The following SNTG1 variants were observed in gnomAD, a reference collection of about 807,000 sequenced individuals.
SNTG1 encodes syntrophin gamma 1, also known as gamma-1-syntrophin.
Under a neutral mutation model 74.7 loss-of-function variants are expected in SNTG1, and 39 were observed. That is an observed-to-expected ratio of 0.52 (90% confidence interval 0.40 to 0.68). The LOEUF (loss-of-function observed/expected upper bound fraction) is 0.68. Among genes scored for constraint, SNTG1 ranks in the 30% least tolerant of loss-of-function variants. The probability of loss-of-function intolerance (pLI) is 0.00; values close to 1 mark genes in which losing one functional copy is unlikely to be tolerated. For missense variants in SNTG1, 685 were observed against 609.5 expected (o/e 1.12, Z -1.30); for synonymous variants, 254 against 217.1 (o/e 1.17, Z -1.49).
intron 2 of SNTG1, chr8:50,286,834 T>G (rs1419480925): frequency 2.0e-5 from 3 of 152,166 alleles, no homozygotes; most frequent in East Asian, 3.9e-4. Flanking sequence ...CACCAGAATA[T>G]TTTTCAAGCC....
At position 50,597,350 on chromosome 8, in the gene SNTG1, CGT is replaced by C. The variant is rs1373663695; in HGVS notation, c.849+6434_849+6435del. On this transcript the variant is annotated intron_variant, in intron 13 of 18. Coordinates refer to ENST00000642720, the MANE Select transcript of SNTG1 (RefSeq NM_018967.5). ...ATACACATATATATACATATATACA[CGT>C]ATATATACACATATACATGTATATA... Among the ~76,000 whole-genome samples, 169 of 146,016 alleles carry C rather than the reference CGT, an allele frequency of 1.2e-3. 1 individual carries two copies. Among genetic ancestry groups the C allele is most frequent in the African/African-American group, 4.0e-3 (161 of 39,792 alleles).
intron 1 of SNTG1, among the ~76,000 whole-genome samples, chr8:49,928,688 G>A (rs1352268740): frequency 1.3e-5 from 2 of 151,834 alleles, no homozygotes; most frequent in Non-Finnish European, 2.9e-5. Context: ...TTAAAAAATA[G>A]TATATTTAAT....
chr8:50,470,749 G>A (rs1317534133), intron 8 of SNTG1, among the ~76,000 whole-genome samples: 2 of 152,180 alleles, frequency 1.3e-5, no homozygotes, highest in Non-Finnish European at 2.9e-5. Flanking sequence ...CATAAAGGTA[G>A]TGCGGACCCA....
chr8:50,018,585 T>G (rs901243058), intron 1 of SNTG1, among the ~76,000 whole-genome samples: 3 of 151,998 alleles, frequency 2.0e-5, no homozygotes, highest in Admixed American at 2.0e-4. Context: ...GGCAATGTTT[T>G]TGCTGTTGTT....
chr8:50,559,910 A>T (rs1379071139), intron 12 of SNTG1, among the ~76,000 whole-genome samples: 1 of 152,194 alleles, frequency 6.6e-6, no homozygotes, highest in Non-Finnish European at 1.5e-5. Context: ...TGCACAGCAA[A>T]AGAAATTATC....
At chr8:50,228,247 A>G (rs1424484324) in intron 2 of SNTG1, among the ~76,000 whole-genome samples, 1 of 151,994 alleles carries the variant, frequency 6.6e-6, no homozygotes, top group Non-Finnish European at 1.5e-5. Flanking sequence ...CTAAAATATA[A>G]AAAGCAAAAG....
chr8:50,652,636 A>C (rs2095154609), intron 13 of SNTG1, among the ~76,000 whole-genome samples: 1 of 152,036 alleles, frequency 6.6e-6, no homozygotes, highest in Admixed American at 6.6e-5. Context: ...GCCTCTAGTA[A>C]AAATATAAAA....
intron 1 of SNTG1, among the ~76,000 whole-genome samples, chr8:49,995,529 T>G (rs866719271): frequency 1.8e-4 from 28 of 152,328 alleles, no homozygotes; most frequent in Middle Eastern, 3.4e-3. Context: ...ATTTGTTTAA[T>G]TTTTCTCCAA....
At chr8:50,214,134 C>T (rs1399898265) in intron 2 of SNTG1, among the ~76,000 whole-genome samples, 1 of 151,064 alleles carries the variant, frequency 6.6e-6, no homozygotes, top group African/African-American at 2.4e-5. Context: ...TGGAAATCAT[C>T]ATTCTCAGTA....
At position 50,094,993 on chromosome 8, in the gene SNTG1, T is replaced by A. The variant is rs1413647183; in HGVS notation, c.-102-77568T>A. Among the ~76,000 whole-genome samples the A allele has an allele frequency of 6.6e-5, 10 of 152,200 alleles. No homozygotes were observed. In the East Asian group the frequency reaches 1.9e-3, roughly 29 times the overall value. On this transcript the variant is annotated intron_variant, in intron 1 of 18. Coordinates refer to ENST00000642720, the MANE Select transcript of SNTG1 (RefSeq NM_018967.5). ...TACATAGCCATAGAAAAGAAGAAAATCTTGTCCTTTGCAACATGGTTGCAG... is the reference window on the plus strand; with the variant it reads ...TACATAGCCATAGAAAAGAAGAAAAACTTGTCCTTTGCAACATGGTTGCAG...
At chr8:50,473,248 TCTC>T (rs750829576) in intron 8 of SNTG1, among the ~76,000 whole-genome samples, 1 of 152,116 alleles carries the variant, frequency 6.6e-6, no homozygotes, top group South Asian at 2.1e-4. Flanking sequence ...ATTTGGCACT[TCTC>T]CTTCCTGCTA....
intron 1 of SNTG1, among the ~76,000 whole-genome samples, chr8:50,025,585 G>T (rs1050987953): frequency 2.0e-5 from 3 of 152,070 alleles, no homozygotes; most frequent in African/African-American, 7.2e-5. Flanking sequence ...GAAAGAAATG[G>T]CCATGGTAAC....
intron 11 of SNTG1, among the ~76,000 whole-genome samples, chr8:50,542,068 T>G (rs2094351669): frequency 6.8e-6 from 1 of 146,262 alleles, no homozygotes; most frequent in Admixed American, 6.9e-5. Context: ...ATGAATGTAG[T>G]ATATGTATAT....
intron 2 of SNTG1, among the ~76,000 whole-genome samples, chr8:50,356,210 T>C (rs2091812776): frequency 6.6e-6 from 1 of 152,132 alleles, no homozygotes; most frequent in South Asian, 2.1e-4. Flanking sequence ...TTCACCATCT[T>C]GACAGGAGCC....
intron 2 of SNTG1, among the ~76,000 whole-genome samples, chr8:50,286,222 G>A (rs1420512091): frequency 6.6e-6 from 1 of 152,160 alleles, no homozygotes; most frequent in Non-Finnish European, 1.5e-5. Flanking sequence ...CCAACAAAAA[G>A]CATACCCTCT....
chr8:50,496,586 C>T (rs190488573), intron 8 of SNTG1, among the ~76,000 whole-genome samples: 31 of 152,226 alleles, frequency 2.0e-4, no homozygotes, highest in Admixed American at 2.0e-3. Flanking sequence ...AACTTTTCTT[C>T]TTAATAGATG....
chr8:50,637,915 A>G, intron 13 of SNTG1, among the ~76,000 whole-genome samples: 1 of 152,134 alleles, frequency 6.6e-6, no homozygotes, highest in East Asian at 1.9e-4. Flanking sequence ...ACCAAATATT[A>G]AGGTTAAGTT....
At chr8:50,333,922 C>A (rs535252108) in intron 2 of SNTG1, among the ~76,000 whole-genome samples, 31 of 152,328 alleles carry the variant, frequency 2.0e-4, no homozygotes, top group African/African-American at 7.0e-4. Context: ...TGGATGCATA[C>A]AATCTTACAT....
intron 4 of SNTG1, among the ~76,000 whole-genome samples, chr8:50,423,002 G>GT (rs1563365843): frequency 6.6e-6 from 1 of 152,164 alleles, no homozygotes; most frequent in Non-Finnish European, 1.5e-5. Context: ...CAGGAGGTGG[G>GT]TTTGGGGGGG....
Sources: gnomAD v4.1 joint callset for allele counts (sites outside exome capture counted in the v4.1 genomes callset) on GRCh38, gnomAD v4.1.1 for gene constraint, MANE v1.5 for transcripts, NCBI Gene and HGNC (gene_info 2026-07-23, HGNC 2026-07-21) for gene names.